SH3RF1: variants seen among roughly 807,000 people sequenced by gnomAD.
SH3RF1 encodes E3 ubiquitin-protein ligase SH3RF1.
A neutral mutation model predicts 74.0 loss-of-function variants in SH3RF1; 32 were observed. The observed-to-expected ratio is 0.43, with a 90% CI of 0.33 to 0.58. The LOEUF is 0.58. Among genes scored for constraint, SH3RF1 ranks in the 20% least tolerant of loss-of-function variants. The probability of loss-of-function intolerance (pLI) is 0.05; values close to 1 mark genes in which losing one functional copy is unlikely to be tolerated. For synonymous variants in SH3RF1, 396 were observed against 439.6 expected (o/e 0.90, Z 1.24); for missense variants, 954 against 1,130.9 (o/e 0.84, Z 2.24).
intron 2 of SH3RF1, among the ~76,000 whole-genome samples, chr4:169,190,049 C>G (rs1734673066): frequency 6.6e-6 from 1 of 152,088 alleles, no homozygotes; most frequent in Non-Finnish European, 1.5e-5. Flanking sequence ...CACAAACTAT[C>G]AAAACCTATG....
intron 4 of SH3RF1, among the ~76,000 whole-genome samples, chr4:169,150,082 C>T (rs1346939008): frequency 6.6e-6 from 1 of 152,192 alleles, no homozygotes; most frequent in Non-Finnish European, 1.5e-5. Flanking sequence ...ATTGTTAAGG[C>T]TGATAACACA....
In SH3RF1 at chr4:169,094,976, C is replaced by A. The variant is rs1368379838; in HGVS notation, c.*1543G>T. 2.0e-5 allele frequency: 3 copies of A among 152,374 alleles called. No individual in the cohort carries two copies. Among genetic ancestry groups the A allele is most frequent in the African/African-American group, 7.2e-5 (3 of 41,398 alleles). The allele number at this position is 152,374 out of a possible 1,614,324, so 9.4% of individuals were successfully genotyped here. ...CCCATGAGAAAACTGTGGTAAGGATCTTATTCATTACCAGGCTGTCTTCCC... is the reference window on the plus strand; with the variant it reads ...CCCATGAGAAAACTGTGGTAAGGATATTATTCATTACCAGGCTGTCTTCCC... On this transcript the variant is annotated 3_prime_UTR_variant, in exon 12 of 12. Coordinates refer to ENST00000284637, the MANE Select transcript of SH3RF1 (RefSeq NM_020870.4).
chr4:169,157,656 C>T (rs1049195234), intron 2 of SH3RF1, among the ~76,000 whole-genome samples: 1 of 152,166 alleles, frequency 6.6e-6, no homozygotes, highest in Non-Finnish European at 1.5e-5. Flanking sequence ...TAATAATTCC[C>T]TGAACAAGAT....
Position 169,154,001 on chromosome 4 carries a change from C to T in SH3RF1, c.765+1479G>A, listed in dbSNP as rs539708015. Among the ~76,000 whole-genome samples the T allele has an allele frequency of 1.4e-4, 22 of 152,224 alleles. 1 individual carries two copies. The South Asian group carries it at 4.3e-3, about 30-fold the overall frequency. On this transcript the variant is annotated intron_variant, in intron 4 of 11. Coordinates refer to ENST00000284637, the MANE Select transcript of SH3RF1 (RefSeq NM_020870.4). ...TAAACCCTTTTCATGCATCACAAAC[C>T]AAGTATCAGCATGTAATATTGATAA...
rs374324259 is a variant in SH3RF1 at position 169,122,084 on chromosome 4, C to A, written c.1346+16G>T. ...AAATGAACACATAAGCAGTAACAGA[C>A]GACACGCTCACTTACACACTGGGGC... On this transcript the variant is annotated intron_variant, in intron 7 of 11. Coordinates refer to ENST00000284637, the MANE Select transcript of SH3RF1 (RefSeq NM_020870.4). The A allele has an allele frequency of 4.3e-6, 7 of 1,610,130 alleles. No homozygotes were observed. The South Asian group carries it at 7.7e-5, about 18-fold the overall frequency.
chr4:169,210,298 T>C (rs1342782705), intron 2 of SH3RF1, among the ~76,000 whole-genome samples: 1 of 152,188 alleles, frequency 6.6e-6, no homozygotes, highest in Non-Finnish European at 1.5e-5. Flanking sequence ...TGAAGAATTA[T>C]TTGCATTTGA....
At chr4:169,205,436 GCTAT>G (rs1285728897) in intron 2 of SH3RF1, among the ~76,000 whole-genome samples, 1 of 152,126 alleles carries the variant, frequency 6.6e-6, no homozygotes, top group Non-Finnish European at 1.5e-5. Context: ...TCTCCCAAGT[GCTAT>G]CTCTTTTATA....
At chr4:169,235,217 C>G (rs1005735647) in intron 2 of SH3RF1, among the ~76,000 whole-genome samples, 7 of 152,108 alleles carry the variant, frequency 4.6e-5, no homozygotes, top group African/African-American at 1.2e-4. Flanking sequence ...CTAAACAGTA[C>G]CCAAGTATCA....
At chr4:169,266,479 C>T (rs1731358125) in intron 2 of SH3RF1, among the ~76,000 whole-genome samples, 1 of 152,198 alleles carries the variant, frequency 6.6e-6, no homozygotes, top group African/African-American at 2.4e-5. Flanking sequence ...AGAATTCTCA[C>T]TCTTAAAAGG....
intron 11 of SH3RF1, among the ~76,000 whole-genome samples, chr4:169,103,258 G>A (rs1424257338): frequency 2.6e-5 from 4 of 151,868 alleles, no homozygotes; most frequent in Non-Finnish European, 5.9e-5. Context: ...TTAGATGTAT[G>A]AGATAGGGTC....
At chr4:169,132,023 G>A (rs927557210) in intron 5 of SH3RF1, among the ~76,000 whole-genome samples, 38 of 152,346 alleles carry the variant, frequency 2.5e-4, no homozygotes, top group African/African-American at 9.1e-4. Context: ...CCCTTGAGCC[G>A]CTGCTCGGGC....
intron 4 of SH3RF1, among the ~76,000 whole-genome samples, chr4:169,138,973 G>T (rs761019231): frequency 9.9e-5 from 15 of 152,076 alleles, no homozygotes; most frequent in Non-Finnish European, 1.8e-4. Context: ...GGACTGGGGG[G>T]AAAGGTCTCA....
chr4:169,136,753 T>C (rs191396294), intron 4 of SH3RF1, 133 bp from the exon 5 acceptor site: 7 of 790,826 alleles, frequency 8.9e-6, no homozygotes, highest in Non-Finnish European at 1.3e-5. Context: ...AGTGTCTGTT[T>C]TTCCCATGTG....
chr4:169,131,527 C>A (rs750271876), intron 5 of SH3RF1, among the ~76,000 whole-genome samples: 1 of 152,152 alleles, frequency 6.6e-6, no homozygotes, highest in Non-Finnish European at 1.5e-5. Context: ...CTATTTCTAA[C>A]GGGAAGCACA....
At chr4:169,255,046 A>C (rs959595869) in intron 2 of SH3RF1, among the ~76,000 whole-genome samples, 1 of 152,194 alleles carries the variant, frequency 6.6e-6, no homozygotes, top group Admixed American at 6.5e-5. Flanking sequence ...TTTATGTTTA[A>C]CAGAAAAAAG....
chr4:169,108,597 GA>G (rs1733187598), intron 10 of SH3RF1, among the ~76,000 whole-genome samples: 1 of 152,188 alleles, frequency 6.6e-6, no homozygotes, highest in African/African-American at 2.4e-5. Context: ...TAGATGAGCA[GA>G]GCCAGCTGAT....
At chr4:169,245,853 C>T (rs1030070403) in intron 2 of SH3RF1, among the ~76,000 whole-genome samples, 2 of 152,170 alleles carry the variant, frequency 1.3e-5, no homozygotes, top group African/African-American at 4.8e-5. Flanking sequence ...CCGTACAAGA[C>T]CACCTTCAAT....
chr4:169,270,538 G>A (rs1232479706), intron 1 of SH3RF1, among the ~76,000 whole-genome samples: 4 of 152,240 alleles, frequency 2.6e-5, no homozygotes, highest in Non-Finnish European at 4.4e-5. Flanking sequence ...AGTGCCACGG[G>A]GAAGCAGCTT....
chr4:169,129,615 T>G (rs555150201), intron 6 of SH3RF1, among the ~76,000 whole-genome samples: 3 of 152,348 alleles, frequency 2.0e-5, no homozygotes, highest in African/African-American at 7.2e-5. Context: ...AATTAAATAA[T>G]GAATCTTTAA....
Sources: allele counts gnomAD v4.1 joint callset (sites outside exome capture counted in the v4.1 genomes callset), GRCh38; gene constraint gnomAD v4.1.1; transcripts MANE v1.5; gene names NCBI Gene and HGNC (gene_info 2026-07-23, HGNC 2026-07-21).